Variants in TMEFF2 observed in about 807,000 individuals in gnomAD.
The protein encoded by TMEFF2 is tomoregulin-2.
A neutral mutation model predicts 53.8 loss-of-function variants in TMEFF2; 28 were observed. That is an observed-to-expected ratio of 0.52 (90% CI 0.39 to 0.71). The LOEUF (loss-of-function observed/expected upper bound fraction) is 0.71. TMEFF2 is among the 30% of genes least tolerant of loss of function. TMEFF2 has a pLI of 0.00. For synonymous variants in TMEFF2, 162 were observed against 166.3 expected, an observed-to-expected ratio of 0.97 and a Z score of 0.20; for missense variants, 353 against 455.2, an observed-to-expected ratio of 0.78 and a Z score of 2.04.
intron 5 of TMEFF2, among the ~76,000 whole-genome samples, chr2:192,039,620 A>G (rs1687424728): frequency 6.6e-6 from 1 of 152,194 alleles, no homozygotes; most frequent in Admixed American, 6.5e-5. Context: ...CAAGTCATCT[A>G]ATTTCCCAAC....
chr2:192,157,958 C>T (rs754143772), intron 4 of TMEFF2, among the ~76,000 whole-genome samples: 1 of 151,980 alleles, frequency 6.6e-6, no homozygotes, highest in African/African-American at 2.4e-5. Context: ...TGGCCTTTTC[C>T]TTGTTCGTTT....
chr2:191,998,715 G>A (rs1346836582), intron 6 of TMEFF2, among the ~76,000 whole-genome samples: 1 of 151,926 alleles, frequency 6.6e-6, no homozygotes, highest in African/African-American at 2.4e-5. Flanking sequence ...TTTGCTTTTA[G>A]TTTCAAGGAT....
chr2:192,093,421 T>C (rs1469583384), intron 4 of TMEFF2, among the ~76,000 whole-genome samples: 2 of 2,096 alleles, frequency 9.5e-4, no homozygotes, highest in Admixed American at 0.015. Context: ...CATTTGGGAC[T>C]CCCAGACTCT....
intron 5 of TMEFF2, among the ~76,000 whole-genome samples, chr2:192,010,422 AAAGT>A (rs1486914976): frequency 6.6e-6 from 1 of 152,332 alleles, no homozygotes; most frequent in Admixed American, 6.5e-5. Context: ...TAAGCTTTAA[AAAGT>A]AAGAAAGGAA....
chr2:192,186,457 T>C (rs1691314494), intron 2 of TMEFF2, among the ~76,000 whole-genome samples: 11 of 152,150 alleles, frequency 7.2e-5, no homozygotes, highest in Admixed American at 7.2e-4. Context: ...TTGATAAATG[T>C]GCTATGATCA....
At chr2:192,019,510 T>C (rs115150360) in intron 5 of TMEFF2, among the ~76,000 whole-genome samples, 198 of 152,198 alleles carry the variant, frequency 1.3e-3, no homozygotes, top group African/African-American at 4.5e-3. Context: ...TCTACTATAA[T>C]GGATGCACAT....
chr2:192,182,880 T>G (rs969086418), intron 3 of TMEFF2, among the ~76,000 whole-genome samples: 4 of 152,026 alleles, frequency 2.6e-5, no homozygotes, highest in African/African-American at 7.2e-5. Context: ...TGATTCCTCA[T>G]AATTAGTTTG....
intron 5 of TMEFF2, among the ~76,000 whole-genome samples, chr2:192,003,915 T>TTGTGTG (rs140281152): frequency 2.5e-5 from 1 of 40,586 alleles, no homozygotes; most frequent in Non-Finnish European, 7.3e-5. Context: ...GTGAAAAAAT[T>TTGTGTG]TGTGTGTGTG....
At chr2:192,119,837 G>A (rs543530188) in intron 4 of TMEFF2, among the ~76,000 whole-genome samples, 17 of 152,230 alleles carry the variant, frequency 1.1e-4, no homozygotes, top group South Asian at 1.0e-3. Context: ...GCCTTCAATC[G>A]TAGGTGGAAT....
At chr2:192,050,121 A>G (rs759724767) in intron 5 of TMEFF2, among the ~76,000 whole-genome samples, 1 of 152,236 alleles carries the variant, frequency 6.6e-6, no homozygotes, top group Non-Finnish European at 1.5e-5. Flanking sequence ...GCCATGCAGT[A>G]TTTTATGATT....
chr2:192,134,430 C>T (rs920332761), intron 4 of TMEFF2, among the ~76,000 whole-genome samples: 1 of 152,202 alleles, frequency 6.6e-6, no homozygotes, highest in Non-Finnish European at 1.5e-5. Flanking sequence ...TCGCCACACA[C>T]CAGCAAAGGC....
At chr2:192,013,314 T>C (rs1343104626) in intron 5 of TMEFF2, among the ~76,000 whole-genome samples, 1 of 152,178 alleles carries the variant, frequency 6.6e-6, no homozygotes, top group African/African-American at 2.4e-5. Flanking sequence ...ACCAGCACTT[T>C]TCACTTGCTG....
intron 5 of TMEFF2, among the ~76,000 whole-genome samples, chr2:192,026,421 C>G (rs1686972198): frequency 6.6e-6 from 1 of 152,156 alleles, no homozygotes; most frequent in African/African-American, 2.4e-5. Flanking sequence ...TGATGCGCAT[C>G]ATCGTTATCA....
In TMEFF2 at chr2:192,194,479, A is replaced by C; in HGVS notation, c.46T>G (p.Cys16Gly). ...SPRQCSSWTL[C>G]EGFCWLLLLP... is the part of the protein sequence containing the mutation. ...AGCAGCAGCCAGCAAAAGCCCTCGCAAAGTGTCCAGCTGCTGCACTGCCGC... is the reference window on the plus strand; with the variant it reads ...AGCAGCAGCCAGCAAAAGCCCTCGCCAAGTGTCCAGCTGCTGCACTGCCGC... Residue 16 changes from cysteine to glycine, a missense_variant, in exon 1 of 10, where the codon TGC becomes GGC. This residue lies in a region of TMEFF2 where 54 missense variants were observed against 41.8 expected (regional missense o/e 1.29). Transcript: ENST00000272771. The surrounding 1 kb of genome is among the most constrained non-coding windows in gnomAD (Gnocchi z 4.2). 1 of 1,614,086 alleles carries C rather than the reference A, an allele frequency of 6.2e-7. No individual in the cohort carries two copies. The highest frequency in any genetic ancestry group is 8.5e-7 in the Non-Finnish European group (1 of 1,180,030).
At chr2:192,174,295 A>C (rs1690984588) in intron 4 of TMEFF2, among the ~76,000 whole-genome samples, 1 of 151,726 alleles carries the variant, frequency 6.6e-6, no homozygotes, top group Non-Finnish European at 1.5e-5. Context: ...TACTGGAAGA[A>C]AAAAAAAGTT....
At position 192,112,905 on chromosome 2, in the gene TMEFF2, C is replaced by T. The variant is rs186258899; in HGVS notation, c.440-55130G>A. On this transcript the variant is annotated intron_variant, in intron 4 of 9. Transcript: ENST00000272771. ...CCTGTCTGCTGCCAAGTAAGACATG[C>T]CTTTCACCTTCTGCCATGATTGTGA... is the stretch of plus-strand genomic sequence containing the variant. Among the ~76,000 whole-genome samples, 157 of 152,250 alleles carry T rather than the reference C, an allele frequency of 1.0e-3. 1 individual carries two copies. The highest frequency in any genetic ancestry group is 6.8e-3 in the Middle Eastern group (2 of 294).
At chr2:192,054,909 A>G (rs987086154) in intron 5 of TMEFF2, among the ~76,000 whole-genome samples, 29 of 152,200 alleles carry the variant, frequency 1.9e-4, no homozygotes, top group Admixed American at 3.3e-4. Context: ...AAAACAGTAT[A>G]CAAATGGATA....
At chr2:191,973,025 A>G (rs1168916777) in intron 7 of TMEFF2, among the ~76,000 whole-genome samples, 1 of 152,220 alleles carries the variant, frequency 6.6e-6, no homozygotes, top group East Asian at 1.9e-4. Flanking sequence ...TATCTAAAGT[A>G]GGAGGAAGGA....
chr2:192,105,626 GAAAGC>G (rs1186439622), intron 4 of TMEFF2, among the ~76,000 whole-genome samples: 1 of 152,028 alleles, frequency 6.6e-6, no homozygotes, highest in Admixed American at 6.6e-5. Flanking sequence ...TTCAGAACTA[GAAAGC>G]TTCTTTAATT....
Sources: allele counts gnomAD v4.1 joint callset (sites outside exome capture counted in the v4.1 genomes callset), GRCh38; gene constraint gnomAD v4.1.1; regional missense constraint gnomAD v4.1.1; non-coding constraint Gnocchi (gnomAD v3.1); transcripts MANE v1.5; gene names NCBI Gene and HGNC (gene_info 2026-07-23, HGNC 2026-07-21).